The following NNT variants were observed in gnomAD, a reference collection of about 807,000 sequenced individuals.
NNT encodes the protein nicotinamide nucleotide transhydrogenase.
Under a neutral mutation model 104.8 loss-of-function variants are expected in NNT, and 50 were observed. The ratio of observed to expected loss-of-function variants is 0.48; its 90% CI spans 0.38 to 0.60. The LOEUF is 0.60. Among genes scored for constraint, NNT ranks in the 20% least tolerant of loss-of-function variants. The probability of loss-of-function intolerance (pLI) is 0.00; values close to 1 mark genes in which losing one functional copy is unlikely to be tolerated. For synonymous variants in NNT, 461 were observed against 490.4 expected (o/e 0.94, Z 0.79); for missense variants, 1,131 against 1,330.7 (o/e 0.85, Z 2.33).
At chr5:43,610,126 G>A (rs1313413976) in intron 2 of NNT, among the ~76,000 whole-genome samples, 1 of 151,166 alleles carries the variant, frequency 6.6e-6, no homozygotes, top group African/African-American at 2.4e-5. Context: ...ATGTCTCCTT[G>A]CTTCTGTTCT....
intron 5 of NNT, among the ~76,000 whole-genome samples, chr5:43,623,716 A>G (rs556753731): frequency 5.3e-5 from 8 of 152,340 alleles, no homozygotes; most frequent in African/African-American, 1.9e-4. Context: ...AGAATCTGTT[A>G]ATCTTCAACA....
At chr5:43,654,112 G>T (rs901771257) in intron 14 of NNT, among the ~76,000 whole-genome samples, 11 of 152,144 alleles carry the variant, frequency 7.2e-5, no homozygotes, top group African/African-American at 2.6e-4. Flanking sequence ...AGGTTTTATT[G>T]TCTATGCTCT....
chr5:43,644,134 A>G, intron 7 of NNT, 58 bp from the exon 8 acceptor site: 1 of 1,479,538 alleles, frequency 6.8e-7, no homozygotes, highest in Non-Finnish European at 9.2e-7. Context: ...TAATAATTAG[A>G]CTTTAAGGTG....
rs752026403 is a variant in NNT at position 43,677,733 on chromosome 5, C to G, written c.2803C>G (p.Leu935Val). 2 of 1,613,290 alleles carry G rather than the reference C, an allele frequency of 1.2e-6. No homozygotes were observed. The highest frequency in any genetic ancestry group is 1.7e-5 in the Admixed American group (1 of 60,014). The stretch of plus-strand genomic sequence containing the variant: ...CTTAATGTTCCTTGCAGGCTATGGT[C>G]TCTGTGCAGCCAAAGCTCAATACCC... ...NSIIITPGYGLCAAKAQYPIA... is the reference protein window; with the variant it reads ...NSIIITPGYGVCAAKAQYPIA... The change falls in exon 19 of 22, where the codon CTC becomes GTC. Residue 935 changes from leucine to valine, a missense_variant. Physicochemically the swap from Leu to Val is conservative, Grantham distance 32. Coordinates refer to ENST00000344920, the MANE Select transcript of NNT (RefSeq NM_182977.3).
chr5:43,602,677 C>A (rs753371876), upstream of NNT: 23 of 152,290 alleles, frequency 1.5e-4, 1 homozygote, highest in Non-Finnish European at 3.4e-4. Context: ...ACCAACCCCT[C>A]TCCGCCTGCC....
intron 7 of NNT, among the ~76,000 whole-genome samples, chr5:43,639,601 T>G (rs1286725250): frequency 2.0e-5 from 3 of 152,084 alleles, no homozygotes; most frequent in African/African-American, 7.2e-5. Context: ...TAAGTAAAAT[T>G]TTTCTTCCTC....
intron 14 of NNT, among the ~76,000 whole-genome samples, chr5:43,653,961 A>G (rs1292824755): frequency 6.6e-6 from 1 of 152,132 alleles, no homozygotes; most frequent in Non-Finnish European, 1.5e-5. Context: ...TCTCAAAAAA[A>G]AAAAAAAAAT....
intron 20 of NNT, among the ~76,000 whole-genome samples, chr5:43,701,837 C>G (rs189917420): frequency 4.4e-4 from 67 of 152,100 alleles, no homozygotes; most frequent in Non-Finnish European, 8.2e-4. Context: ...TTAGTGATGT[C>G]GAACATTTCT....
intron 19 of NNT, among the ~76,000 whole-genome samples, chr5:43,689,952 T>C (rs1049451110): frequency 2.6e-5 from 4 of 151,298 alleles, no homozygotes; most frequent in Admixed American, 2.0e-4. Context: ...ATTAACCCAA[T>C]CCGTCAAAGA....
intron 19 of NNT, among the ~76,000 whole-genome samples, chr5:43,682,202 T>C (rs1458433339): frequency 1.3e-5 from 2 of 149,080 alleles, no homozygotes; most frequent in Non-Finnish European, 3.0e-5. Flanking sequence ...ACTGTCTAAC[T>C]GGATTCTTTT....
chr5:43,685,303 A>T (rs1257964806), intron 19 of NNT, among the ~76,000 whole-genome samples: 1 of 152,204 alleles, frequency 6.6e-6, no homozygotes, highest in Non-Finnish European at 1.5e-5. Context: ...GTGGGATGAT[A>T]GTATTGGGAA....
intron 17 of NNT, among the ~76,000 whole-genome samples, chr5:43,669,089 A>T (rs1197421751): frequency 6.6e-6 from 1 of 152,010 alleles, no homozygotes; most frequent in Admixed American, 6.5e-5. Flanking sequence ...TTTGTCTGTT[A>T]TTGGTGTATA....
In NNT at chr5:43,637,340, A is replaced by G. The variant is rs191877489; in HGVS notation, c.965-6852A>G. On this transcript the variant is annotated intron_variant, in intron 7 of 21. Transcript: ENST00000344920. Reference sequence around the variant, plus strand: ...ATTTCTTATTCTCACATGCATACATATATGTATAAAAACCCTTTTGTTATC... The same window carrying G: ...ATTTCTTATTCTCACATGCATACATGTATGTATAAAAACCCTTTTGTTATC... 5.9e-5 allele frequency among the ~76,000 whole-genome samples: 9 copies of G among 152,290 alleles called. No individual in the cohort carries two copies. The East Asian group carries it at 1.5e-3, about 26-fold the overall frequency.
chr5:43,611,060 C>T (rs909965846), intron 2 of NNT, among the ~76,000 whole-genome samples: 4 of 150,990 alleles, frequency 2.6e-5, no homozygotes, highest in African/African-American at 9.7e-5. Context: ...TGCTTCTTTC[C>T]TTCCTTCTTT....
intron 17 of NNT, among the ~76,000 whole-genome samples, chr5:43,675,257 A>AT (rs950321168): frequency 5.5e-4 from 83 of 151,790 alleles, no homozygotes; most frequent in African/African-American, 1.8e-3. Flanking sequence ...CTTGGTTTCT[A>AT]TTTTTTTTAC....
At chr5:43,679,606 A>C (rs1741596109) in intron 19 of NNT, among the ~76,000 whole-genome samples, 1 of 152,206 alleles carries the variant, frequency 6.6e-6, no homozygotes, top group African/African-American at 2.4e-5. Flanking sequence ...GGATAAGACA[A>C]ATGAATTTTT....
chr5:43,650,727 A>T (rs930287929), intron 12 of NNT, 140 bp downstream of exon 12: 3 of 592,208 alleles, frequency 5.1e-6, no homozygotes, highest in Non-Finnish European at 8.5e-6. Flanking sequence ...CAGGAAAATT[A>T]GTTATTTTGC....
intron 6 of NNT, 56 bp from the exon 7 acceptor site, chr5:43,628,144 G>T: frequency 7.5e-7 from 1 of 1,333,422 alleles, no homozygotes; most frequent in South Asian, 1.9e-5. Context: ...TGATGATCTT[G>T]ACTTCTTTAT....
intron 19 of NNT, among the ~76,000 whole-genome samples, chr5:43,687,044 C>A (rs1251554335): frequency 6.6e-6 from 1 of 152,076 alleles, no homozygotes; most frequent in Non-Finnish European, 1.5e-5. Flanking sequence ...TGTTTAAAAC[C>A]CCTTCTCTCC....
Sources: gnomAD v4.1 joint callset for allele counts (sites outside exome capture counted in the v4.1 genomes callset) on GRCh38, gnomAD v4.1.1 for gene constraint, MANE v1.5 for transcripts, NCBI Gene and HGNC (gene_info 2026-07-23, HGNC 2026-07-21) for gene names.